Variants in KALRN observed in about 807,000 individuals in gnomAD.
KALRN encodes kalirin.
A neutral mutation model predicts 353.7 loss-of-function variants in KALRN; 70 were observed. The ratio of observed to expected loss-of-function variants is 0.20; its 90% CI spans 0.16 to 0.24. KALRN has a LOEUF of 0.24. KALRN is among the 10% of genes least tolerant of loss of function. The probability of loss-of-function intolerance (pLI) is 1.00; values close to 1 mark genes in which losing one functional copy is unlikely to be tolerated. For missense variants in KALRN, 2,791 were observed against 3,756.7 expected, an observed-to-expected ratio of 0.74 and a Z score of 6.72; for synonymous variants, 1,391 against 1,434.8, an observed-to-expected ratio of 0.97 and a Z score of 0.69.
intron 55 of KALRN, among the ~76,000 whole-genome samples, chr3:124,697,950 C>T (rs2062132534): frequency 6.6e-6 from 1 of 152,026 alleles, no homozygotes; most frequent in Non-Finnish European, 1.5e-5. Context: ...GCATGAGCCA[C>T]TTTTATTTTC....
At chr3:124,598,999 A>G (rs1266819168) in intron 34 of KALRN, among the ~76,000 whole-genome samples, 1 of 152,048 alleles carries the variant, frequency 6.6e-6, no homozygotes, top group Non-Finnish European at 1.5e-5. Context: ...AAGTACTCTC[A>G]AGGAAAAGAA....
chr3:124,696,434 T>C (rs1052234699), intron 54 of KALRN, among the ~76,000 whole-genome samples, 179 bp downstream of exon 54: 5 of 152,186 alleles, frequency 3.3e-5, no homozygotes, highest in African/African-American at 1.2e-4. Context: ...CGCTAATTTT[T>C]TTTGCATTTT....
intron 19 of KALRN, among the ~76,000 whole-genome samples, chr3:124,442,634 A>G (rs1038104430): frequency 1.3e-5 from 2 of 152,124 alleles, no homozygotes; most frequent in Non-Finnish European, 2.9e-5. Flanking sequence ...TGCTCCTCAA[A>G]TTGTAGTTCC....
At chr3:124,543,669 A>G (rs1161701612) in intron 33 of KALRN, among the ~76,000 whole-genome samples, 5 of 150,650 alleles carry the variant, frequency 3.3e-5, no homozygotes, top group Non-Finnish European at 7.4e-5. Context: ...ATGAGTTTCC[A>G]TCAGAAATCA....
At chr3:124,688,398 A>C (rs374255219) in intron 51 of KALRN, among the ~76,000 whole-genome samples, 33 of 152,094 alleles carry the variant, frequency 2.2e-4, no homozygotes, top group African/African-American at 7.2e-4. Flanking sequence ...GAAAACACGA[A>C]GGGTTAAACC....
At chr3:124,112,043 C>T (rs566463835) in intron 1 of KALRN, among the ~76,000 whole-genome samples, 3 of 152,166 alleles carry the variant, frequency 2.0e-5, no homozygotes, top group Admixed American at 2.0e-4. Context: ...GTGGCACATG[C>T]CTGTAATCTC....
intron 37 of KALRN, among the ~76,000 whole-genome samples, chr3:124,646,651 A>G (rs1407409801): frequency 6.7e-6 from 1 of 150,204 alleles, no homozygotes; most frequent in Non-Finnish European, 1.5e-5. Flanking sequence ...TCGGCCTCCC[A>G]AAGTGTTGGG....
intron 33 of KALRN, among the ~76,000 whole-genome samples, chr3:124,558,293 T>C (rs2071529201): frequency 6.6e-6 from 1 of 152,118 alleles, no homozygotes; most frequent in Non-Finnish European, 1.5e-5. Flanking sequence ...TTTTTTTTTC[T>C]TTGAGAGGGA....
At chr3:124,651,581 C>A (rs1384266134) in intron 38 of KALRN, among the ~76,000 whole-genome samples, 8 of 151,888 alleles carry the variant, frequency 5.3e-5, no homozygotes, top group Admixed American at 5.2e-4. Context: ...ATACCACATA[C>A]CACTAGTGCA....
In KALRN at chr3:124,674,346, A is replaced by G; in HGVS notation, c.6943-18A>G. On this transcript the variant is annotated intron_variant, in intron 48 of 59. Transcript: ENST00000682506. ...GCGTCCTTGTGTTTGTGCCCCTCTC[A>G]CCCTTATCTCCCAGCAGAACGACCT... The G allele has an allele frequency of 1.2e-6, 2 of 1,605,782 alleles. No individual in the cohort carries two copies. Among genetic ancestry groups the G allele is most frequent in the Non-Finnish European group, 1.7e-6 (2 of 1,175,108 alleles).
At chr3:124,702,889 A>C (rs954370258) in intron 57 of KALRN, among the ~76,000 whole-genome samples, 1 of 152,234 alleles carries the variant, frequency 6.6e-6, no homozygotes, top group Non-Finnish European at 1.5e-5. Flanking sequence ...GACTTTTAAC[A>C]GAAAAATTAA....
intron 26 of KALRN, among the ~76,000 whole-genome samples, 186 bp from the exon 27 acceptor site, chr3:124,477,059 G>A (rs1259654057): frequency 6.6e-6 from 1 of 152,226 alleles, no homozygotes; most frequent in African/African-American, 2.4e-5. Flanking sequence ...GCTGACAGGA[G>A]AAAGACATCC....
chr3:124,258,489 C>T (rs2072363252), intron 3 of KALRN, among the ~76,000 whole-genome samples: 1 of 152,168 alleles, frequency 6.6e-6, no homozygotes, highest in Admixed American at 6.5e-5. Flanking sequence ...TCCTCAGGGT[C>T]ATCTACTTCC....
At chr3:124,112,519 A>T (rs1263037355) in intron 1 of KALRN, among the ~76,000 whole-genome samples, 1 of 152,096 alleles carries the variant, frequency 6.6e-6, no homozygotes, top group East Asian at 1.9e-4. Flanking sequence ...TTTGGACAAG[A>T]GGCCCCAGAG....
At chr3:124,543,829 T>C (rs142478811) in intron 33 of KALRN, among the ~76,000 whole-genome samples, 2,184 of 152,170 alleles carry the variant, frequency 0.014, 23 homozygotes, top group East Asian at 0.058. Context: ...GAGAGAACAG[T>C]ATAAGAAAAG....
At position 124,033,504 on chromosome 3, in the gene KALRN, G is replaced by C. The variant is rs1334229744; in HGVS notation, c.-237G>C. On this transcript the variant is annotated 5_prime_UTR_variant, in exon 1 of 60. Transcript: ENST00000682506. This position sits in a 1 kb window ranked among gnomAD's most constrained non-coding sequence, Gnocchi z 6.2. ...CAGGCGGCCAGCGCCCTGGGGAAGG[G>C]GTACCATGGGGGAGCTGGCGGCAGG... Among the ~76,000 whole-genome samples, 1 of 151,776 alleles carries C rather than the reference G, an allele frequency of 6.6e-6. No individual in the cohort carries two copies. The highest frequency in any genetic ancestry group is 1.5e-5 in the Non-Finnish European group (1 of 67,888).
At chr3:124,400,123 G>A (rs1474328264) in intron 13 of KALRN, among the ~76,000 whole-genome samples, 2 of 151,974 alleles carry the variant, frequency 1.3e-5, no homozygotes, top group African/African-American at 4.8e-5. Context: ...CAATGGAACA[G>A]CTTTAGAAGG....
Position 124,482,843 on chromosome 3 carries a change from C to T in KALRN, c.4227C>T (p.Ile1409=), listed in dbSNP as rs1347679254. ...IQQRHGLANS[I]SSYLIKPVQR... is the part of the protein sequence containing the mutation. Reference sequence around the variant, plus strand: ...AGCGGCATGGTCTGGCCAACTCCATCTCTTCCTACCTAATTAAGCCTGTCC... The same window carrying T: ...AGCGGCATGGTCTGGCCAACTCCATTTCTTCCTACCTAATTAAGCCTGTCC... The change falls in exon 28 of 60, where the codon ATC becomes ATT. Residue 1409 remains isoleucine, a synonymous_variant. Transcript: ENST00000682506. 6.2e-7 allele frequency: 1 copy of T among 1,613,796 alleles called. No homozygotes were observed. Among genetic ancestry groups the T allele is most frequent in the Non-Finnish European group, 8.5e-7 (1 of 1,179,638 alleles).
chr3:124,283,778 G>A (rs1219631201), intron 5 of KALRN, among the ~76,000 whole-genome samples: 4 of 151,946 alleles, frequency 2.6e-5, no homozygotes, highest in East Asian at 1.9e-4. Context: ...CATTGAGTGT[G>A]TGCTTCTCCA....
Sources: allele counts gnomAD v4.1 joint callset (sites outside exome capture counted in the v4.1 genomes callset), GRCh38; gene constraint gnomAD v4.1.1; non-coding constraint Gnocchi (gnomAD v3.1); transcripts MANE v1.5; gene names NCBI Gene and HGNC (gene_info 2026-07-23, HGNC 2026-07-21).